The following LRPPRC variants were observed in gnomAD, a reference collection of about 807,000 sequenced individuals.
LRPPRC encodes leucine rich pentatricopeptide repeat containing.
In LRPPRC, 120 loss-of-function variants were observed where a neutral mutation model predicts 180.3. The observed-to-expected ratio is 0.67, with a 90% CI of 0.57 to 0.77. The LOEUF is 0.77. Among genes scored for constraint, LRPPRC ranks in the 30% least tolerant of loss-of-function variants. The pLI is 0.00. For missense variants in LRPPRC, 2,012 were observed against 1,657.2 expected, an observed-to-expected ratio of 1.21 and a Z score of -3.72; for synonymous variants, 723 against 600.0, an observed-to-expected ratio of 1.21 and a Z score of -3.00.
intron 16 of LRPPRC, 49 bp downstream of exon 16, chr2:43,949,553 G>A (rs190457900): frequency 4.8e-5 from 70 of 1,456,160 alleles, no homozygotes; most frequent in Middle Eastern, 3.5e-4. Flanking sequence ...TCATTACACA[G>A]AAAAATGGAT....
intron 3 of LRPPRC, among the ~76,000 whole-genome samples, chr2:43,977,722 C>G (rs1258742152): frequency 6.6e-6 from 1 of 152,096 alleles, no homozygotes. Context: ...TTTAAGGATG[C>G]ATTCCATTTT....
At chr2:43,978,088 G>A (rs1674139246) in intron 3 of LRPPRC, among the ~76,000 whole-genome samples, 1 of 152,034 alleles carries the variant, frequency 6.6e-6, no homozygotes, top group African/African-American at 2.4e-5. Flanking sequence ...CAGGCACTAT[G>A]CTAAGTGTTC....
intron 1 of LRPPRC, among the ~76,000 whole-genome samples, chr2:43,989,475 T>C (rs1674677663): frequency 6.6e-6 from 1 of 152,230 alleles, no homozygotes; most frequent in African/African-American, 2.4e-5. Flanking sequence ...GGACCGATAA[T>C]GTGACATGGA....
At chr2:43,908,462 TG>T (rs1671138135) in intron 30 of LRPPRC, among the ~76,000 whole-genome samples, 1 of 152,208 alleles carries the variant, frequency 6.6e-6, no homozygotes, top group African/African-American at 2.4e-5. Context: ...AGAGGTCAAG[TG>T]TATCTGTAAC....
chr2:43,941,380 A>G (rs887678696), intron 23 of LRPPRC, among the ~76,000 whole-genome samples: 5 of 152,198 alleles, frequency 3.3e-5, no homozygotes, highest in African/African-American at 1.2e-4. Context: ...CTGCCTTTGA[A>G]TGAAAGGGTG....
chr2:43,926,171 A>T (rs948705793), intron 25 of LRPPRC, among the ~76,000 whole-genome samples: 2 of 152,140 alleles, frequency 1.3e-5, no homozygotes, highest in Non-Finnish European at 2.9e-5. Flanking sequence ...GTTATCAAAG[A>T]CCTTTAAGTA....
chr2:43,965,150 C>A (rs1257123185), intron 11 of LRPPRC, among the ~76,000 whole-genome samples: 2 of 152,124 alleles, frequency 1.3e-5, no homozygotes, highest in African/African-American at 4.8e-5. Context: ...TAAAGGCGCA[C>A]GTCACCACGA....
chr2:43,938,357 A>C (rs1221316311), intron 23 of LRPPRC, among the ~76,000 whole-genome samples: 4 of 152,338 alleles, frequency 2.6e-5, no homozygotes, highest in African/African-American at 7.2e-5. Flanking sequence ...TATGAAATAA[A>C]GGTAAAATTG....
At chr2:43,988,890 G>A (rs1300194542) in intron 1 of LRPPRC, among the ~76,000 whole-genome samples, 1 of 151,764 alleles carries the variant, frequency 6.6e-6, no homozygotes, top group Non-Finnish European at 1.5e-5. Context: ...TTTTTTTTGA[G>A]ACAGGGTCTC....
At chr2:43,900,424 C>A (rs1572895410) in intron 32 of LRPPRC, among the ~76,000 whole-genome samples, 1 of 151,954 alleles carries the variant, frequency 6.6e-6, no homozygotes, top group African/African-American at 2.4e-5. Context: ...ATTTCTCTTA[C>A]AAGTTTTAAG....
Position 43,946,209 on chromosome 2 carries a change from T to C in LRPPRC, c.2114A>G (p.Tyr705Cys), listed in dbSNP as rs746098497. The change falls in exon 21 of 38, where the codon TAT (tyrosine) becomes TGT (cysteine). Residue 705 changes from tyrosine to cysteine, a missense_variant. Physicochemically the swap from Tyr to Cys is radical, Grantham distance 194 (BLOSUM62 -2). Coordinates refer to ENST00000260665, the MANE Select transcript of LRPPRC (RefSeq NM_133259.4). ...MQKALELKAKYESDMVTGGYA... is the reference protein window; with the variant it reads ...MQKALELKAKCESDMVTGGYA... ...GCCACCAGTAACCATGTCGGATTCA[T>C]ATTTTGCTTTCAATTCAAGGGCTTT... The C allele has an allele frequency of 7.4e-6, 12 of 1,611,716 alleles. No homozygotes were observed. The highest frequency in any genetic ancestry group is 1.3e-5 in the African/African-American group (1 of 74,854).
intron 4 of LRPPRC, 35 bp downstream of exon 4, chr2:43,977,120 G>C (rs745340495): frequency 1.1e-5 from 17 of 1,607,788 alleles, no homozygotes; most frequent in African/African-American, 1.3e-5. Flanking sequence ...AAAAATGGTG[G>C]ATGTGAAAAT....
At chr2:43,973,515 T>G (rs1340158197) in intron 11 of LRPPRC, 92 bp downstream of exon 11, 8 of 811,558 alleles carry the variant, frequency 9.9e-6, no homozygotes, top group Non-Finnish European at 1.5e-5. Flanking sequence ...CAGGAATAAG[T>G]ATGCTTTTCC....
chr2:43,990,086 G>A (rs1329832776), intron 1 of LRPPRC, among the ~76,000 whole-genome samples: 1 of 152,074 alleles, frequency 6.6e-6, no homozygotes, highest in African/African-American at 2.4e-5. Context: ...AGGCATGGTG[G>A]CATGCGCCTG....
Position 43,948,169 on chromosome 2 carries a change from C to G in LRPPRC, c.1873G>C (p.Gly625Arg), listed in dbSNP as rs1672762119. 6.2e-7 allele frequency: 1 copy of G among 1,607,530 alleles called. No homozygotes were observed. The highest frequency in any genetic ancestry group is 1.3e-5 in the African/African-American group (1 of 74,742). Residue 625 changes from glycine to arginine, a missense_variant, in exon 18 of 38, where the codon GGC becomes CGC. Coordinates refer to ENST00000260665, the MANE Select transcript of LRPPRC (RefSeq NM_133259.4). ...NVKIPENIYR[G>R]IRNLLESYHV... ...TAGCTTTCCAGGAGATTACGAATGCCTCTGTAGATATTTTCAGGAATTTTT... is the reference window on the plus strand; with the variant it reads ...TAGCTTTCCAGGAGATTACGAATGCGTCTGTAGATATTTTCAGGAATTTTT...
chr2:43,948,661 T>C (rs890265796), intron 16 of LRPPRC, 143 bp from the exon 17 acceptor site: 1 of 674,232 alleles, frequency 1.5e-6, no homozygotes. Context: ...CACTGAGGCA[T>C]AGAGATTATG....
At chr2:43,943,520 C>T (rs577360845) in intron 23 of LRPPRC, among the ~76,000 whole-genome samples, 167 bp downstream of exon 23, 1 of 152,126 alleles carries the variant, frequency 6.6e-6, no homozygotes, top group Non-Finnish European at 1.5e-5. Flanking sequence ...GACCACAGGG[C>T]TGCTAGTGAT....
intron 25 of LRPPRC, among the ~76,000 whole-genome samples, chr2:43,930,212 G>A (rs1572933737): frequency 1.3e-5 from 2 of 151,398 alleles, no homozygotes; most frequent in South Asian, 4.1e-4. Flanking sequence ...GCACCGTGAT[G>A]GAAAGGCAAA....
intron 35 of LRPPRC, among the ~76,000 whole-genome samples, chr2:43,895,478 A>G (rs760241831): frequency 6.6e-6 from 1 of 152,252 alleles, no homozygotes; most frequent in Non-Finnish European, 1.5e-5. Flanking sequence ...ACAAGGCAAC[A>G]GGGACTTGGC....
Sources: gnomAD v4.1 joint callset for allele counts (sites outside exome capture counted in the v4.1 genomes callset) on GRCh38, gnomAD v4.1.1 for gene constraint, MANE v1.5 for transcripts, NCBI Gene and HGNC (gene_info 2026-07-23, HGNC 2026-07-21) for gene names.